Variants in KIAA1217 observed in about 807,000 individuals in gnomAD.
KIAA1217 encodes sickle tail protein homolog.
KIAA1217 carries 88 observed loss-of-function variants against 163.9 expected under a neutral mutation model. That is an observed-to-expected ratio of 0.54 (90% CI 0.45 to 0.64). KIAA1217 has a LOEUF of 0.64. Ranked by LOEUF, KIAA1217 falls within the 30% of genes least tolerant of loss-of-function variation. KIAA1217 has a pLI of 0.00. For missense variants in KIAA1217, 2,372 were observed against 2,475.0 expected (o/e 0.96, Z 0.88); for synonymous variants, 903 against 923.1 (o/e 0.98, Z 0.39).
intron 2 of KIAA1217, among the ~76,000 whole-genome samples, chr10:24,011,652 C>T (rs1847240231): frequency 6.6e-6 from 1 of 152,110 alleles, no homozygotes; most frequent in East Asian, 1.9e-4. Flanking sequence ...AAATCAATTA[C>T]AGGGAAAATG....
chr10:24,540,884 T>C (rs1449273763), intron 17 of KIAA1217, among the ~76,000 whole-genome samples: 1 of 152,122 alleles, frequency 6.6e-6, no homozygotes, highest in East Asian at 1.9e-4. Context: ...TTCTCCTGCC[T>C]CAGCCTCCCA....
chr10:24,282,443 T>A (rs2078054463), intron 2 of KIAA1217, among the ~76,000 whole-genome samples: 1 of 152,188 alleles, frequency 6.6e-6, no homozygotes. Flanking sequence ...TATTTGGAAT[T>A]CTCTGCATAA....
intron 1 of KIAA1217, among the ~76,000 whole-genome samples, chr10:24,216,250 G>A (rs2068801657): frequency 1.3e-5 from 2 of 152,226 alleles, no homozygotes; most frequent in East Asian, 3.9e-4. Flanking sequence ...TATTGTCCCG[G>A]CTGTCTTGAA....
chr10:24,520,638 AAAAAAAAAAAAAAATATAT>A (rs2070972175), intron 11 of KIAA1217, among the ~76,000 whole-genome samples: 1 of 52,858 alleles, frequency 1.9e-5, no homozygotes, highest in African/African-American at 7.9e-5. Context: ...AAAAAAAAAA[AAAAAAAAAAAAAAATATAT>A]ATATATATAT....
chr10:24,262,031 A>G (rs964021461), intron 2 of KIAA1217, among the ~76,000 whole-genome samples: 3 of 152,230 alleles, frequency 2.0e-5, no homozygotes, highest in African/African-American at 7.2e-5. Flanking sequence ...TATCAGATCC[A>G]TATCACAGCT....
intron 1 of KIAA1217, among the ~76,000 whole-genome samples, chr10:23,915,038 G>A (rs1363708988): frequency 6.6e-6 from 1 of 151,840 alleles, no homozygotes; most frequent in South Asian, 2.1e-4. Flanking sequence ...ACCTGTGACA[G>A]AAGAAAGAGA....
At chr10:23,816,210 A>G (rs1018359686) in intron 1 of KIAA1217, among the ~76,000 whole-genome samples, 12 of 152,108 alleles carry the variant, frequency 7.9e-5, no homozygotes, top group African/African-American at 2.9e-4. Context: ...CTAGGTTACA[A>G]TTTTTTCTTT....
intron 5 of KIAA1217, among the ~76,000 whole-genome samples, chr10:24,447,994 G>A (rs2061084527): frequency 6.6e-6 from 1 of 152,056 alleles, no homozygotes; most frequent in Non-Finnish European, 1.5e-5. Flanking sequence ...GCTGGGTGTG[G>A]TGGCGCGTGC....
At chr10:24,369,179 ATG>A (rs59687010) in intron 2 of KIAA1217, among the ~76,000 whole-genome samples, 3,957 of 139,324 alleles carry the variant, frequency 0.028, 77 homozygotes, top group African/African-American at 0.059. Context: ...AACTTTCACT[ATG>A]TGTGTGTGTG....
Position 24,257,910 on chromosome 10 carries a change from G to A in KIAA1217, c.354+38001G>A, listed in dbSNP as rs138513317. Among the ~76,000 whole-genome samples, 253 of 152,276 alleles carry A rather than the reference G, an allele frequency of 1.7e-3. 1 individual carries two copies. The highest frequency in any genetic ancestry group is 6.0e-3 in the African/African-American group (251 of 41,548). ...TCTGGTAAGGCCAGACCTGAGTCAG[G>A]TCCTGCCTCCTAACTCCTTTCTCTT... On this transcript the variant is annotated intron_variant, in intron 2 of 20. Transcript: ENST00000376454.
intron 1 of KIAA1217, among the ~76,000 whole-genome samples, chr10:23,971,426 G>C (rs1448054722): frequency 6.6e-6 from 1 of 152,148 alleles, no homozygotes; most frequent in East Asian, 1.9e-4. Flanking sequence ...TAGAGAGATG[G>C]CTAAAAAATG....
intron 1 of KIAA1217, among the ~76,000 whole-genome samples, chr10:23,980,193 C>G (rs1192988791): frequency 6.6e-6 from 1 of 152,132 alleles, no homozygotes; most frequent in Non-Finnish European, 1.5e-5. Flanking sequence ...AATGACCTTG[C>G]CTGTCTGTCC....
At chr10:23,778,045 G>A (rs1361010317) in intron 1 of KIAA1217, among the ~76,000 whole-genome samples, 1 of 152,048 alleles carries the variant, frequency 6.6e-6, no homozygotes, top group Non-Finnish European at 1.5e-5. Context: ...GGGTTCAAGT[G>A]ATTCTCCTGA....
chr10:24,309,338 GCA>G (rs200497982), intron 2 of KIAA1217, among the ~76,000 whole-genome samples: 129 of 90,266 alleles, frequency 1.4e-3, no homozygotes, highest in African/African-American at 4.2e-3. Context: ...ATAGGCGCGC[GCA>G]CGCGCGCGCG....
chr10:24,205,947 G>A (rs1482360833), upstream of KIAA1217, among the ~76,000 whole-genome samples: 1 of 152,126 alleles, frequency 6.6e-6, no homozygotes, highest in Non-Finnish European at 1.5e-5. Flanking sequence ...ACCAATAATG[G>A]TCCAGTTCTG....
intron 2 of KIAA1217, among the ~76,000 whole-genome samples, chr10:24,075,161 CA>C (rs1361859254): frequency 2.7e-5 from 4 of 149,386 alleles, no homozygotes; most frequent in African/African-American, 7.7e-5. Flanking sequence ...CACACACACA[CA>C]CACCCCTTCC....
At chr10:24,413,577 C>T (rs1205532654) in intron 3 of KIAA1217, among the ~76,000 whole-genome samples, 2 of 152,148 alleles carry the variant, frequency 1.3e-5, no homozygotes, top group African/African-American at 2.4e-5. Context: ...GCACAAGGGC[C>T]TCCACCATGT....
intron 2 of KIAA1217, among the ~76,000 whole-genome samples, chr10:24,234,614 A>G (rs1224294935): frequency 4.2e-5 from 6 of 142,220 alleles, no homozygotes; most frequent in Non-Finnish European, 7.6e-5. Context: ...AGCCGAGATC[A>G]TGCCGCTGCA....
intron 2 of KIAA1217, among the ~76,000 whole-genome samples, chr10:24,171,004 T>G (rs1198576510): frequency 6.6e-6 from 1 of 152,216 alleles, no homozygotes; most frequent in Non-Finnish European, 1.5e-5. Context: ...AACACTCTAT[T>G]TTCTCTAAAT....
Sources: allele counts gnomAD v4.1 joint callset (sites outside exome capture counted in the v4.1 genomes callset), GRCh38; gene constraint gnomAD v4.1.1; transcripts MANE v1.5; gene names NCBI Gene and HGNC (gene_info 2026-07-23, HGNC 2026-07-21).